Variants in NRG1 observed in about 807,000 individuals in gnomAD.
NRG1 encodes the protein neuregulin 1.
A neutral mutation model predicts 63.8 loss-of-function variants in NRG1; 18 were observed. That is an observed-to-expected ratio of 0.28 (90% confidence interval 0.19 to 0.42). The LOEUF (loss-of-function observed/expected upper bound fraction) is 0.42, where lower values mean the gene tolerates loss of function less well. NRG1 is among the 10% of genes least tolerant of loss of function. The pLI is 1.00. For synonymous variants in NRG1, 302 were observed against 301.3 expected, an observed-to-expected ratio of 1.00 and a Z score of -0.02; for missense variants, 762 against 814.7, an observed-to-expected ratio of 0.94 and a Z score of 0.79.
Position 32,756,271 on chromosome 8 carries a change from A to T in NRG1, c.795-132A>T. The T allele has an allele frequency of 3.1e-6, 3 of 959,738 alleles. No individual in the cohort carries two copies. In the East Asian group the frequency reaches 7.9e-5, roughly 25 times the overall value. The allele number at this position is 959,738 out of a possible 1,614,324, so 59.5% of individuals were successfully genotyped here. On this transcript the variant is annotated intron_variant, in intron 8 of 11. Coordinates refer to ENST00000356819, the Ensembl canonical transcript of NRG1. ...ACTTATTCTGGGATACAGTGGACAT[A>T]CTCCCTTCCCTCTTCCTCATCACCA... is the stretch of plus-strand genomic sequence containing the variant.
chr8:31,833,032 C>T (rs560324454), intron 1 of NRG1, among the ~76,000 whole-genome samples: 50 of 152,104 alleles, frequency 3.3e-4, no homozygotes, highest in African/African-American at 1.1e-3. Context: ...AACAACCACC[C>T]GAGAACCCCA....
At chr8:31,886,651 C>T (rs937670459) in intron 1 of NRG1, among the ~76,000 whole-genome samples, 1 of 151,936 alleles carries the variant, frequency 6.6e-6, no homozygotes, top group Admixed American at 6.6e-5. Flanking sequence ...GCAGCTGGCT[C>T]TTAAGTAATT....
At chr8:31,982,463 A>G (rs916282412) in intron 1 of NRG1, among the ~76,000 whole-genome samples, 1 of 152,090 alleles carries the variant, frequency 6.6e-6, no homozygotes, top group East Asian at 1.9e-4. Flanking sequence ...GATAGTGGGA[A>G]TTACCAAGGC....
chr8:31,683,035 A>G (rs1483602891), intron 1 of NRG1, among the ~76,000 whole-genome samples: 1 of 152,172 alleles, frequency 6.6e-6, no homozygotes, highest in African/African-American at 2.4e-5. Flanking sequence ...CATTCTGTGT[A>G]TTCTTATTAA....
Position 32,452,381 on chromosome 8 carries a change from C to A in NRG1, c.38-143447C>A, listed in dbSNP as rs149723533. Among the ~76,000 whole-genome samples, 785 of 151,578 alleles carry A rather than the reference C, an allele frequency of 5.2e-3. 23 individuals are homozygous for A. Among genetic ancestry groups the A allele is most frequent in the Admixed American group, 0.042 (635 of 15,178 alleles). On this transcript the variant is annotated intron_variant, in intron 1 of 10. Coordinates refer to the NRG1 transcript ENST00000519301. ...GAGGTGACATTTGAGTTGGGCCTTA[C>A]GTTGTATTTTATGAAATAAAAAAAG...
intron 1 of NRG1, among the ~76,000 whole-genome samples, chr8:32,429,757 T>C (rs1462473313): frequency 6.6e-6 from 1 of 152,194 alleles, no homozygotes; most frequent in Admixed American, 6.6e-5. Context: ...CCTACATCTG[T>C]TATATGGTTT....
At chr8:32,364,582 C>T (rs1807692019) in intron 1 of NRG1, among the ~76,000 whole-genome samples, 1 of 152,172 alleles carries the variant, frequency 6.6e-6, no homozygotes, top group East Asian at 1.9e-4. Flanking sequence ...TTGACAACCA[C>T]CCGGGTTGTT....
intron 1 of NRG1, among the ~76,000 whole-genome samples, chr8:32,121,849 A>AT (rs1441047345): frequency 1.3e-5 from 2 of 151,984 alleles, no homozygotes; most frequent in African/African-American, 4.8e-5. Flanking sequence ...TAAATATTTA[A>AT]TTTTGTCCAA....
intron 1 of NRG1, among the ~76,000 whole-genome samples, chr8:32,130,002 A>G (rs746487129): frequency 6.6e-6 from 1 of 151,918 alleles, no homozygotes; most frequent in Admixed American, 6.6e-5. Context: ...CAAATAAACT[A>G]TAAGCTTCTA....
chr8:32,198,235 T>A (rs371532007), intron 1 of NRG1, among the ~76,000 whole-genome samples: 4 of 152,198 alleles, frequency 2.6e-5, no homozygotes, highest in Admixed American at 6.5e-5. Context: ...TGGAGTACAA[T>A]GGCATGATCT....
At chr8:31,857,460 C>A (rs1324488169) in intron 1 of NRG1, among the ~76,000 whole-genome samples, 2 of 152,202 alleles carry the variant, frequency 1.3e-5, no homozygotes, top group African/African-American at 2.4e-5. Flanking sequence ...AATGCCTCGC[C>A]CTGCTTTGGC....
At chr8:31,811,802 A>C (rs1285660197) in intron 1 of NRG1, among the ~76,000 whole-genome samples, 1 of 152,180 alleles carries the variant, frequency 6.6e-6, no homozygotes, top group Non-Finnish European at 1.5e-5. Flanking sequence ...AGAGGTATGA[A>C]TATTCTGAGA....
At chr8:32,180,646 CAT>C (rs745559688) in intron 1 of NRG1, among the ~76,000 whole-genome samples, 32 of 151,912 alleles carry the variant, frequency 2.1e-4, no homozygotes, top group Non-Finnish European at 4.0e-4. Flanking sequence ...ATTAATAAAA[CAT>C]ATATATGTAT....
intron 1 of NRG1, among the ~76,000 whole-genome samples, chr8:31,820,875 G>A (rs1052770009): frequency 6.6e-6 from 1 of 152,112 alleles, no homozygotes; most frequent in African/African-American, 2.4e-5. Context: ...GCAAAATCAG[G>A]CTAGGTGTGA....
chr8:32,213,097 C>T (rs967546323), intron 1 of NRG1, among the ~76,000 whole-genome samples: 1 of 152,096 alleles, frequency 6.6e-6, no homozygotes, highest in Non-Finnish European at 1.5e-5. Flanking sequence ...ATTATTAAGA[C>T]AATTTTGAAC....
At chr8:32,667,159 T>A (rs978389400) in intron 5 of NRG1, among the ~76,000 whole-genome samples, 2 of 152,216 alleles carry the variant, frequency 1.3e-5, no homozygotes, top group Non-Finnish European at 2.9e-5. Flanking sequence ...TGTGCAAGTA[T>A]GTTACTGTAC....
chr8:32,272,406 C>A (rs1851639010), intron 1 of NRG1, among the ~76,000 whole-genome samples: 1 of 152,156 alleles, frequency 6.6e-6, no homozygotes, highest in South Asian at 2.1e-4. Flanking sequence ...AATATCAACA[C>A]ATTGGGAGTT....
chr8:32,449,159 T>C (rs1364068811), intron 1 of NRG1, among the ~76,000 whole-genome samples: 1 of 152,000 alleles, frequency 6.6e-6, no homozygotes, highest in African/African-American at 2.4e-5. Flanking sequence ...TAGCTGGGCA[T>C]GGTGGTGCAT....
chr8:32,127,179 C>T (rs1280461021), intron 1 of NRG1, among the ~76,000 whole-genome samples: 3 of 151,910 alleles, frequency 2.0e-5, no homozygotes, highest in East Asian at 3.9e-4. Context: ...GGATGTAGGA[C>T]AAGTGGCTAA....
Sources: allele counts gnomAD v4.1 joint callset (sites outside exome capture counted in the v4.1 genomes callset), GRCh38; gene constraint gnomAD v4.1.1; transcripts MANE v1.5; gene names NCBI Gene and HGNC (gene_info 2026-07-23, HGNC 2026-07-21).